TMEM74: variants seen among roughly 807,000 people sequenced by gnomAD.
The protein encoded by TMEM74 is transmembrane protein 74.
Under a neutral mutation model 18.1 loss-of-function variants are expected in TMEM74, and 13 were observed. The observed-to-expected ratio is 0.72, with a 90% CI of 0.47 to 1.14. The LOEUF is 1.14. TMEM74 is among the 50% of genes most tolerant of loss of function. The pLI is 0.00. For missense variants in TMEM74, 372 were observed against 375.9 expected, an observed-to-expected ratio of 0.99 and a Z score of 0.09; for synonymous variants, 159 against 146.6, an observed-to-expected ratio of 1.08 and a Z score of -0.61.
intron 1 of TMEM74, among the ~76,000 whole-genome samples, chr8:108,732,089 C>A (rs1326618802): frequency 6.6e-6 from 1 of 152,148 alleles, no homozygotes; most frequent in Non-Finnish European, 1.5e-5. Context: ...CTAAGACACA[C>A]CAATACTTCC....
At chr8:108,656,251 T>A (rs1405934446) in intron 1 of TMEM74, among the ~76,000 whole-genome samples, 1 of 152,102 alleles carries the variant, frequency 6.6e-6, no homozygotes, top group East Asian at 2.0e-4. Flanking sequence ...TATGGAAATC[T>A]TAGTGGTAAA....
chr8:108,775,821 G>A (rs1019432004), downstream of TMEM74, among the ~76,000 whole-genome samples: 3 of 152,104 alleles, frequency 2.0e-5, no homozygotes, highest in Non-Finnish European at 2.9e-5. Context: ...CGAAGGCTGG[G>A]GGTTCTACCC....
Position 108,784,721 on chromosome 8 carries a change from G to T in TMEM74, c.378C>A (p.Ser126Arg), listed in dbSNP as rs1260030402. ...KNINLEQRNR[S>R]SPSAKGHNHP... is the part of the protein sequence containing the mutation. ...GATTATGCCCTTTTGCTGATGGCGAGCTCCGGTTCCGCTGCTCCAAGTTGA... is the reference window on the plus strand; with the variant it reads ...GATTATGCCCTTTTGCTGATGGCGATCTCCGGTTCCGCTGCTCCAAGTTGA... Residue 126 changes from serine to arginine, a missense_variant, in exon 2 of 2, where the codon AGC (serine) becomes AGA (arginine). Ser to Arg is a moderately radical substitution (Grantham distance 110). Transcript: ENST00000297459. 1.2e-6 allele frequency: 2 copies of T among 1,614,202 alleles called. No homozygotes were observed. The highest frequency in any genetic ancestry group is 1.3e-5 in the African/African-American group (1 of 75,052).
intron 2 of TMEM74, among the ~76,000 whole-genome samples, chr8:108,634,108 G>A (rs1422328674): frequency 6.6e-6 from 1 of 151,856 alleles, no homozygotes; most frequent in African/African-American, 2.4e-5. Context: ...CAAGAGAAGA[G>A]GAAGAGCATG....
chr8:108,698,376 T>C (rs1367367513), intron 1 of TMEM74, among the ~76,000 whole-genome samples: 1 of 152,190 alleles, frequency 6.6e-6, no homozygotes. Context: ...CCTGCTTCCA[T>C]CTTTACTATA....
intron 1 of TMEM74, among the ~76,000 whole-genome samples, chr8:108,689,739 C>A (rs1440648041): frequency 2.0e-5 from 3 of 152,098 alleles, no homozygotes; most frequent in African/African-American, 4.8e-5. Flanking sequence ...CTGATGATGG[C>A]TTTGGGAGGC....
intron 1 of TMEM74, among the ~76,000 whole-genome samples, chr8:108,705,663 A>C (rs979921032): frequency 1.3e-5 from 2 of 152,138 alleles, no homozygotes; most frequent in African/African-American, 4.8e-5. Flanking sequence ...CTTAACAGTA[A>C]AATGGAGCTC....
chr8:108,723,287 G>A (rs1813603589), intron 1 of TMEM74, among the ~76,000 whole-genome samples: 1 of 152,118 alleles, frequency 6.6e-6, no homozygotes, highest in African/African-American at 2.4e-5. Flanking sequence ...ATTAATTTAG[G>A]TTCAGTCTGA....
At chr8:108,681,968 T>C (rs1384790183) in intron 1 of TMEM74, among the ~76,000 whole-genome samples, 1 of 152,180 alleles carries the variant, frequency 6.6e-6, no homozygotes, top group East Asian at 1.9e-4. Context: ...ATGTCAATAC[T>C]TTTTAACTAC....
At chr8:108,753,491 T>C (rs1813923751) in intron 1 of TMEM74, among the ~76,000 whole-genome samples, 1 of 152,154 alleles carries the variant, frequency 6.6e-6, no homozygotes, top group Non-Finnish European at 1.5e-5. Flanking sequence ...AAGGAGGCTA[T>C]GTGCCCTTTG....
In TMEM74 at chr8:108,779,568, CA is replaced by C. The variant is rs564671573; in HGVS notation, c.*4612del. ...AAATATTTGTGGGAGGCTGAACAAC[CA>C]AAACAGGTTTATAATAATTATGGCA... On this transcript the variant is annotated 3_prime_UTR_variant, in exon 2 of 2. Coordinates refer to ENST00000297459, the MANE Select transcript of TMEM74 (RefSeq NM_153015.3). Among the ~76,000 whole-genome samples the C allele has an allele frequency of 6.2e-4, 94 of 152,250 alleles. No individual in the cohort carries two copies. The highest frequency in any genetic ancestry group is 1.7e-3 in the South Asian group (8 of 4,824).
At chr8:108,619,817 C>G (rs1356162178) in intron 2 of TMEM74, among the ~76,000 whole-genome samples, 1 of 152,150 alleles carries the variant, frequency 6.6e-6, no homozygotes, top group Non-Finnish European at 1.5e-5. Context: ...TCAGCTGAAT[C>G]TTTTAAATGT....
chr8:108,673,167 T>C (rs190638846), intron 1 of TMEM74, among the ~76,000 whole-genome samples: 6 of 152,312 alleles, frequency 3.9e-5, no homozygotes, highest in Admixed American at 1.3e-4. Context: ...TCCATAGATA[T>C]AGCACTTGCT....
chr8:108,785,371 G>A (rs1002635077), intron 1 of TMEM74, among the ~76,000 whole-genome samples: 1 of 152,168 alleles, frequency 6.6e-6, no homozygotes, highest in Non-Finnish European at 1.5e-5. Flanking sequence ...GGGTAGAAAG[G>A]TGCGTGGAGG....
At chr8:108,709,219 T>G (rs1813450835) in intron 1 of TMEM74, among the ~76,000 whole-genome samples, 1 of 152,166 alleles carries the variant, frequency 6.6e-6, no homozygotes, top group Admixed American at 6.5e-5. Context: ...CCAAGACATA[T>G]CTGCACTCCC....
At position 108,780,058 on chromosome 8, in the gene TMEM74, T is replaced by C. The variant is rs1023487130; in HGVS notation, c.*4123A>G. Reference sequence around the variant, plus strand: ...AGGAAAAGCCAGTAAGACTTCATTATAATCTTCTCATCGTAGTCATTCTTT... The same window carrying C: ...AGGAAAAGCCAGTAAGACTTCATTACAATCTTCTCATCGTAGTCATTCTTT... On this transcript the variant is annotated 3_prime_UTR_variant, in exon 2 of 2. Coordinates refer to ENST00000297459, the MANE Select transcript of TMEM74 (RefSeq NM_153015.3). Among the ~76,000 whole-genome samples, 1 of 152,232 alleles carries C rather than the reference T, an allele frequency of 6.6e-6. No homozygotes were observed. The highest frequency in any genetic ancestry group is 2.4e-5 in the African/African-American group (1 of 41,456).
rs760545466 is a variant in TMEM74, at chr8:108,661,378, CTTTTT to C, written n.120-5946_120-5942del. Among the ~76,000 whole-genome samples, 809 of 86,730 alleles carry C rather than the reference CTTTTT, an allele frequency of 9.3e-3. 4 individuals are homozygous for C. The highest frequency in any genetic ancestry group is 0.033 in the African/African-American group (763 of 23,218). 56.9% of individuals were successfully genotyped at this position (86,730 alleles called of 152,430 possible). A position where few individuals can be genotyped will look rare whatever the true frequency, so the allele number is the denominator to read the frequency against. On this transcript the variant is annotated intron_variant and non_coding_transcript_variant, in intron 1 of 3. Coordinates refer to the TMEM74 transcript ENST00000518838. ...TATCTTTTTCCTCTCCCTTGCAGCT[CTTTTT>C]TTTTTTTTTTTTTTTTTTCTATCTT...
At chr8:108,664,163 A>G (rs149064901) in intron 1 of TMEM74, among the ~76,000 whole-genome samples, 32 of 143,586 alleles carry the variant, frequency 2.2e-4, no homozygotes, top group South Asian at 1.8e-3. Flanking sequence ...TCTGTGAAGA[A>G]TGTCATTGGT....
In TMEM74 at chr8:108,784,598, G is replaced by A. The variant is rs1202447132; in HGVS notation, c.501C>T (p.Ala167=). The stretch of plus-strand genomic sequence containing the variant: ...AGTCTATAGACTTCCCTGAAGACGT[G>A]GCTTCTGAACTTGTATCATCCTCCT... ...SEEEDDTSSE[A]TSSGKSIDYG... is the part of the protein sequence containing the mutation. Residue 167 remains alanine (A), a synonymous_variant, in exon 2 of 2, where the codon GCC becomes GCT. Transcript: ENST00000297459. 1 of 1,614,102 alleles carries A rather than the reference G, an allele frequency of 6.2e-7. No individual in the cohort carries two copies. Among genetic ancestry groups the A allele is most frequent in the Non-Finnish European group, 8.5e-7 (1 of 1,180,022 alleles).
Sources: allele counts gnomAD v4.1 joint callset (sites outside exome capture counted in the v4.1 genomes callset), GRCh38; gene constraint gnomAD v4.1.1; transcripts MANE v1.5; gene names NCBI Gene and HGNC (gene_info 2026-07-23, HGNC 2026-07-21).